Variants in SIPA1L2 observed in about 807,000 individuals in gnomAD.
SIPA1L2 encodes signal-induced proliferation-associated 1-like protein 2.
In SIPA1L2, 56 loss-of-function variants were observed where a neutral mutation model predicts 163.9. That is an observed-to-expected ratio of 0.34 (90% confidence interval 0.28 to 0.43). The LOEUF is 0.43. SIPA1L2 is among the 20% of genes least tolerant of loss of function. SIPA1L2 has a pLI of 1.00. For missense variants in SIPA1L2, 1,974 were observed against 2,193.5 expected, an observed-to-expected ratio of 0.90 and a Z score of 2.00; for synonymous variants, 877 against 865.7, an observed-to-expected ratio of 1.01 and a Z score of -0.23.
At chr1:232,462,113 G>A (rs1482386624) in intron 9 of SIPA1L2, 2 of 1,035,100 alleles carry the variant, frequency 1.9e-6, no homozygotes, top group African/African-American at 1.6e-5. Context: ...TCCACAAAAA[G>A]GAACATGAAA....
intron 8 of SIPA1L2, among the ~76,000 whole-genome samples, chr1:232,470,370 G>A (rs1664741551): frequency 6.6e-6 from 1 of 152,190 alleles, no homozygotes; most frequent in African/African-American, 2.4e-5. Flanking sequence ...AGGCGACTGG[G>A]AAGTAAAATT....
At chr1:232,461,977 A>G (rs1347160139) in intron 9 of SIPA1L2, among the ~76,000 whole-genome samples, 2 of 151,974 alleles carry the variant, frequency 1.3e-5, no homozygotes, top group African/African-American at 4.8e-5. Flanking sequence ...CAGCAGACAG[A>G]CCCTCTGTGC....
intron 1 of SIPA1L2, among the ~76,000 whole-genome samples, chr1:232,624,460 G>GAC (rs1306199375): frequency 6.6e-6 from 1 of 152,176 alleles, no homozygotes; most frequent in African/African-American, 2.4e-5. Context: ...GACTTCACAG[G>GAC]ACACTATGTC....
intron 19 of SIPA1L2, among the ~76,000 whole-genome samples, chr1:232,408,460 C>T (rs751160677): frequency 1.3e-5 from 2 of 152,202 alleles, no homozygotes; most frequent in East Asian, 3.9e-4. Context: ...AGTTTTCTGG[C>T]AGTAGTAACA....
intron 18 of SIPA1L2, among the ~76,000 whole-genome samples, chr1:232,424,322 C>CAAAAAAAAAAAAAAAAAAAAAAAAAAAAA (rs55961523): frequency 1.4e-5 from 1 of 71,794 alleles, no homozygotes; most frequent in Non-Finnish European, 2.6e-5. Flanking sequence ...GTGAAGCTAA[C>CAAAAAAAAAAAAAAAAAAAAAAAAAAAAA]AAAAAAAAAA....
At chr1:232,617,752 C>G (rs1313548532) in intron 1 of SIPA1L2, among the ~76,000 whole-genome samples, 1 of 152,090 alleles carries the variant, frequency 6.6e-6, no homozygotes. Context: ...ATTTCACATC[C>G]TAATAGAAGT....
At position 232,415,538 on chromosome 1, in the gene SIPA1L2, C is replaced by G. The variant is rs1572862786; in HGVS notation, c.4718G>C (p.Gly1573Ala). 1 of 1,613,806 alleles carries G rather than the reference C, an allele frequency of 6.2e-7. No homozygotes were observed. Residue 1573 changes from glycine to alanine, a missense_variant, in exon 19 of 23, where the codon GGG (glycine) becomes GCG (alanine). Physicochemically the swap from Gly to Ala is moderately conservative, Grantham distance 60. Transcript: ENST00000674635. The part of the protein sequence containing the change: ...GLMPLPDTAT[G>A]LDWTHLVDAA... Reference sequence around the variant, plus strand: ...ATCCACGAGGTGGGTCCAATCTAACCCTGTGGCTGTGTCCGGGAGGGGCAT... The same window carrying G: ...ATCCACGAGGTGGGTCCAATCTAACGCTGTGGCTGTGTCCGGGAGGGGCAT...
At chr1:232,479,575 C>T (rs1665218543) in intron 7 of SIPA1L2, 52 bp downstream of exon 7, 2 of 1,422,664 alleles carry the variant, frequency 1.4e-6, no homozygotes, top group African/African-American at 1.4e-5. Flanking sequence ...TCAGTGGGCC[C>T]ACCTCAGATT....
At chr1:232,547,313 T>C (rs1658086049) in intron 2 of SIPA1L2, among the ~76,000 whole-genome samples, 1 of 151,880 alleles carries the variant, frequency 6.6e-6, no homozygotes, top group African/African-American at 2.4e-5. Flanking sequence ...TATACGGGTC[T>C]TTCCCCAAAT....
intron 2 of SIPA1L2, among the ~76,000 whole-genome samples, chr1:232,515,908 C>G (rs1399731327): frequency 1.3e-5 from 2 of 152,224 alleles, no homozygotes; most frequent in Non-Finnish European, 2.9e-5. Context: ...CTATATCCAA[C>G]AGAGTAATTT....
intron 3 of SIPA1L2, among the ~76,000 whole-genome samples, chr1:232,501,615 G>C (rs1666485132): frequency 6.6e-6 from 1 of 152,222 alleles, no homozygotes; most frequent in Non-Finnish European, 1.5e-5. Flanking sequence ...GCCCTTTGCT[G>C]GGCCTGTTGT....
In SIPA1L2 at chr1:232,623,977, A is replaced by T. The variant is rs545528062; in HGVS notation, c.-319+5892T>A. ...CAAATGCCCTTGAGATGCAGAGAAA[A>T]TACTTCTACATCTATTTATTTTTAA... On this transcript the variant is annotated intron_variant, in intron 1 of 22. Coordinates refer to ENST00000674635, the MANE Select transcript of SIPA1L2 (RefSeq NM_020808.5). Among the ~76,000 whole-genome samples the T allele has an allele frequency of 6.6e-5, 10 of 152,236 alleles. No individual in the cohort carries two copies. The East Asian group carries it at 1.9e-3, about 29-fold the overall frequency.
intron 2 of SIPA1L2, among the ~76,000 whole-genome samples, chr1:232,518,125 C>T (rs765335482): frequency 1.3e-5 from 2 of 152,190 alleles, no homozygotes; most frequent in Non-Finnish European, 2.9e-5. Context: ...ATTAGGTTCA[C>T]TACAAAGGAT....
At chr1:232,541,225 TATCAC>T (rs1265416760) in intron 2 of SIPA1L2, among the ~76,000 whole-genome samples, 3 of 144,952 alleles carry the variant, frequency 2.1e-5, no homozygotes, top group Non-Finnish European at 4.6e-5. Flanking sequence ...CCTGCACATG[TATCAC>T]ATCACATAAC....
chr1:232,474,967 G>C (rs749917110), intron 7 of SIPA1L2, among the ~76,000 whole-genome samples: 2 of 152,170 alleles, frequency 1.3e-5, no homozygotes, highest in African/African-American at 2.4e-5. Context: ...CCAATGCTGG[G>C]GGAAAGCAGG....
intron 1 of SIPA1L2, among the ~76,000 whole-genome samples, chr1:232,598,963 C>CAAAAAAAAAAAA (rs3028130): frequency 2.4e-5 from 3 of 123,534 alleles, no homozygotes; most frequent in Admixed American, 8.0e-5. Flanking sequence ...CTCTACCCCT[C>CAAAAAAAAAAAA]AAAAAAAAAA....
intron 2 of SIPA1L2, among the ~76,000 whole-genome samples, chr1:232,564,488 T>C (rs966379162): frequency 6.6e-6 from 1 of 151,752 alleles, no homozygotes; most frequent in Non-Finnish European, 1.5e-5. Context: ...CTGCAAGGGA[T>C]GGGCCACCAA....
At chr1:232,528,615 C>T (rs1453192585) in intron 2 of SIPA1L2, among the ~76,000 whole-genome samples, 1 of 152,158 alleles carries the variant, frequency 6.6e-6, no homozygotes, top group Non-Finnish European at 1.5e-5. Context: ...TAGAATTGGA[C>T]AGGCCTAGGA....
rs147110107 is a variant in SIPA1L2, at chr1:232,493,025, G to C, written c.1617+502C>G. ...AAATTGGAGAAGAGGCCTCGTAGGG[G>C]TGATTGGATCACAGAGGTTGAATTT... is the stretch of plus-strand genomic sequence containing the variant. On this transcript the variant is annotated intron_variant, in intron 4 of 22. Coordinates refer to ENST00000674635, the MANE Select transcript of SIPA1L2 (RefSeq NM_020808.5). Among the ~76,000 whole-genome samples, 1,357 of 148,090 alleles carry C rather than the reference G, an allele frequency of 9.2e-3. 25 individuals carry two copies. Among genetic ancestry groups the C allele is most frequent in the African/African-American group, 0.033 (1,313 of 40,288 alleles).
Sources: gnomAD v4.1 joint callset for allele counts (sites outside exome capture counted in the v4.1 genomes callset) on GRCh38, gnomAD v4.1.1 for gene constraint, MANE v1.5 for transcripts, NCBI Gene and HGNC (gene_info 2026-07-23, HGNC 2026-07-21) for gene names.